PCMTD1: variants seen among roughly 807,000 people sequenced by gnomAD.
PCMTD1 encodes protein-L-isoaspartate O-methyltransferase domain-containing protein 1.
Under a neutral mutation model 37.6 loss-of-function variants are expected in PCMTD1, and 12 were observed. The observed-to-expected ratio is 0.32, with a 90% CI of 0.20 to 0.52. The LOEUF (loss-of-function observed/expected upper bound fraction) is 0.52, where lower values mean the gene tolerates loss of function less well. Ranked by LOEUF, PCMTD1 falls within the 20% of genes least tolerant of loss-of-function variation. PCMTD1 has a pLI of 0.97. For synonymous variants in PCMTD1, 117 were observed against 135.8 expected (o/e 0.86, Z 0.96); for missense variants, 235 against 421.3 (o/e 0.56, Z 3.87).
At position 51,825,567 on chromosome 8, in the gene PCMTD1, G is replaced by A. The variant is rs1289383863; in HGVS notation, c.707-4849C>T. ...AAATTAGCCGGGCGCGGTGGCGGGC[G>A]CCTGTAGTCCCAGCTACTCGGGAGG... On this transcript the variant is annotated intron_variant, in intron 5 of 5. Coordinates refer to ENST00000522514, the MANE Select transcript of PCMTD1 (RefSeq NM_052937.4). 6.2e-4 allele frequency among the ~76,000 whole-genome samples: 36 copies of A among 58,088 alleles called. 14 individuals carry two copies. Among genetic ancestry groups the A allele is most frequent in the Non-Finnish European group, 2.6e-3 (29 of 10,976 alleles). 38.1% of individuals were successfully genotyped at this position (58,088 alleles called of 152,430 possible). A position where few individuals can be genotyped will look rare whatever the true frequency, so the allele number is the denominator to read the frequency against.
At chr8:51,823,126 A>G (rs1323567610) in intron 5 of PCMTD1, among the ~76,000 whole-genome samples, 1 of 152,218 alleles carries the variant, frequency 6.6e-6, no homozygotes, top group Non-Finnish European at 1.5e-5. Context: ...AGTAGCTGCT[A>G]ACACTCAGGA....
At chr8:51,847,404 A>G (rs1194303194) in intron 2 of PCMTD1, among the ~76,000 whole-genome samples, 1 of 152,226 alleles carries the variant, frequency 6.6e-6, no homozygotes, top group African/African-American at 2.4e-5. Flanking sequence ...AGGCGGGCAG[A>G]TGGCTTGAGC....
chr8:51,844,654 G>A (rs527652002), intron 3 of PCMTD1, among the ~76,000 whole-genome samples: 1 of 152,258 alleles, frequency 6.6e-6, no homozygotes, highest in African/African-American at 2.4e-5. Context: ...GGGAGGAAGG[G>A]CAAAGGCAGG....
chr8:51,822,373 AAT>A (rs1491073248), intron 5 of PCMTD1, among the ~76,000 whole-genome samples: 6 of 151,642 alleles, frequency 4.0e-5, no homozygotes, highest in Non-Finnish European at 7.4e-5. Flanking sequence ...GGGAAAAAAA[AAT>A]AATCAAGGAA....
chr8:51,864,468 T>G (rs1054932650), intron 1 of PCMTD1, among the ~76,000 whole-genome samples: 4 of 152,186 alleles, frequency 2.6e-5, no homozygotes, highest in African/African-American at 4.8e-5. Flanking sequence ...ATTATATGTT[T>G]GTCTACAAAA....
Position 51,861,244 on chromosome 8 carries a change from AT to A in PCMTD1, c.-94del. 6.9e-7 allele frequency: 1 copy of A among 1,458,802 alleles called. No homozygotes were observed. The highest frequency in any genetic ancestry group is 1.5e-5 in the South Asian group (1 of 66,620). The allele number at this position is 1,458,802 out of a possible 1,614,324, so 90.4% of individuals were successfully genotyped here. A position where few individuals can be genotyped will look rare whatever the true frequency, so the allele number is the denominator to read the frequency against. ...GCACTTGATTTCCAAAAATAAATTA[AT>A]CCTGGAAGGGAAGAACAAAAATAAA... On this transcript the variant is annotated splice_region_variant and 5_prime_UTR_variant, in exon 2 of 6. Coordinates refer to ENST00000522514, the MANE Select transcript of PCMTD1 (RefSeq NM_052937.4).
chr8:51,830,730 GTC>G (rs1325303431), intron 5 of PCMTD1, among the ~76,000 whole-genome samples: 2 of 152,088 alleles, frequency 1.3e-5, no homozygotes, highest in Non-Finnish European at 2.9e-5. Context: ...TGTATTTATT[GTC>G]TCTCTGTATG....
At position 51,898,977 on chromosome 8, in the gene PCMTD1, G is replaced by A; in HGVS notation, c.-143C>T. 6.7e-7 allele frequency: 1 copy of A among 1,495,572 alleles called. No individual in the cohort carries two copies. The highest frequency in any genetic ancestry group is 8.9e-7 in the Non-Finnish European group (1 of 1,128,896). The allele number at this position is 1,495,572 out of a possible 1,614,324, so 92.6% of individuals were successfully genotyped here. A position where few individuals can be genotyped will look rare whatever the true frequency, so the allele number is the denominator to read the frequency against. Reference sequence around the variant, plus strand: ...CAGGCCAGGCGCTAGGACTCGGCGGGGTCCGCAGCAGCCAGACGCCGCTAC... The same window carrying A: ...CAGGCCAGGCGCTAGGACTCGGCGGAGTCCGCAGCAGCCAGACGCCGCTAC... On this transcript the variant is annotated 5_prime_UTR_variant, in exon 1 of 6. Transcript: ENST00000522514.
intron 2 of PCMTD1, among the ~76,000 whole-genome samples, chr8:51,851,177 A>C (rs943562219): frequency 3.3e-5 from 5 of 152,220 alleles, no homozygotes; most frequent in African/African-American, 4.8e-5. Context: ...CTCTGAAGCT[A>C]ATAAGATCAG....
intron 5 of PCMTD1, among the ~76,000 whole-genome samples, chr8:51,827,744 T>G (rs574521213): frequency 6.6e-6 from 1 of 152,160 alleles, no homozygotes; most frequent in Non-Finnish European, 1.5e-5. Context: ...CACCCCCAGA[T>G]TATTTTGATG....
chr8:51,875,981 T>C (rs7000485), intron 1 of PCMTD1, among the ~76,000 whole-genome samples: 108,175 of 151,940 alleles, frequency 0.71, 43,410 homozygotes, highest in Non-Finnish European at 0.9. Context: ...TGTGTGTGCA[T>C]GTGCGTGCAC....
At chr8:51,842,775 C>T (rs1356583747) in intron 3 of PCMTD1, among the ~76,000 whole-genome samples, 2 of 151,942 alleles carry the variant, frequency 1.3e-5, no homozygotes, top group Non-Finnish European at 2.9e-5. Flanking sequence ...CAAATCATGA[C>T]ATGGTAATAC....
At chr8:51,823,023 G>A (rs1049654024) in intron 5 of PCMTD1, among the ~76,000 whole-genome samples, 6 of 152,130 alleles carry the variant, frequency 3.9e-5, no homozygotes. Flanking sequence ...CTATTCCAGC[G>A]ATGTATCTTT....
intron 1 of PCMTD1, among the ~76,000 whole-genome samples, chr8:51,885,412 C>T (rs2038851547): frequency 6.6e-6 from 1 of 152,200 alleles, no homozygotes; most frequent in Admixed American, 6.5e-5. Context: ...CCAATTCTGC[C>T]ATCTTCAAGT....
chr8:51,851,851 T>C (rs1483895333), intron 2 of PCMTD1, among the ~76,000 whole-genome samples: 4 of 152,046 alleles, frequency 2.6e-5, no homozygotes, highest in African/African-American at 9.7e-5. Context: ...GGTTTCTCCA[T>C]GTTGGTCAGG....
chr8:51,847,554 G>T (rs181796762), intron 2 of PCMTD1, among the ~76,000 whole-genome samples: 1 of 151,994 alleles, frequency 6.6e-6, no homozygotes, highest in African/African-American at 2.4e-5. Context: ...TTCAACTCAG[G>T]AGACGGAGGT....
intron 3 of PCMTD1, 127 bp from the exon 4 acceptor site, chr8:51,833,816 C>CT (rs1480729242): frequency 1.7e-6 from 1 of 591,582 alleles, no homozygotes; most frequent in Non-Finnish European, 2.7e-6. Context: ...TGATTATAAA[C>CT]TTTATTTAAA....
In PCMTD1 at chr8:51,820,279, T is replaced by A. The variant is rs2037823788; in HGVS notation, c.*72A>T. ...CTGATGAAAGAAATAATTCTCTCTT[T>A]TAACTCCTAACAAATGCTACATTTT... On this transcript the variant is annotated 3_prime_UTR_variant, in exon 6 of 6. Transcript: ENST00000522514. 1 of 1,367,600 alleles carries A rather than the reference T, an allele frequency of 7.3e-7. No individual in the cohort carries two copies. The allele number at this position is 1,367,600 out of a possible 1,614,324, so 84.7% of individuals were successfully genotyped here.
intron 2 of PCMTD1, among the ~76,000 whole-genome samples, chr8:51,847,131 C>A (rs1480168500): frequency 1.3e-5 from 2 of 152,214 alleles, no homozygotes; most frequent in East Asian, 3.9e-4. Context: ...TTTATGACTT[C>A]TTGTAATTCC....
Sources: gnomAD v4.1 joint callset for allele counts (sites outside exome capture counted in the v4.1 genomes callset) on GRCh38, gnomAD v4.1.1 for gene constraint, MANE v1.5 for transcripts, NCBI Gene and HGNC (gene_info 2026-07-23, HGNC 2026-07-21) for gene names.